The following C4orf54 variants were observed in gnomAD, a reference collection of about 807,000 sequenced individuals.
C4orf54 encodes the protein uncharacterized protein C4orf54.
Under a neutral mutation model 80.1 loss-of-function variants are expected in C4orf54, and 67 were observed. That is an observed-to-expected ratio of 0.84 (90% CI 0.69 to 1.03). The LOEUF (loss-of-function observed/expected upper bound fraction) is 1.03. Ranked by LOEUF, C4orf54 falls within the 50% of genes least tolerant of loss-of-function variation. The pLI is 0.00. For synonymous variants in C4orf54, 1,000 were observed against 917.0 expected (o/e 1.09, Z -1.64); for missense variants, 2,434 against 2,253.5 (o/e 1.08, Z -1.62).
chr4:99,652,248 C>T lies in C4orf54; in HGVS notation c.2401G>A (p.Asp801Asn), dbSNP rs1025174861. ...GCGAACTTGGACTTCTGGGGGCCAT[C>T]GGCGCGGGAGGTGGGCTTGCTGCCC... is the stretch of plus-strand genomic sequence containing the variant. ...SEGSKPTSRA[D>N]GPQKSKFASS... The change falls in exon 2 of 3, where the codon GAT becomes AAT. Residue 801 changes from aspartate to asparagine, a missense_variant. Coordinates refer to ENST00000511828, the MANE Select transcript of C4orf54 (RefSeq NM_001354435.2). 43 of 1,535,798 alleles carry T rather than the reference C, an allele frequency of 2.8e-5. No individual in the cohort carries two copies. Among genetic ancestry groups the T allele is most frequent in the Admixed American group, 3.9e-5 (2 of 50,982 alleles).
chr4:99,657,506 C>G lies in C4orf54; in HGVS notation c.-43G>C, dbSNP rs871321. On this transcript the variant is annotated 5_prime_UTR_variant, in exon 1 of 3. Transcript: ENST00000511828. ...ACAGTAGTACTTACCTCCAAAGTAT[C>G]TGTGTGGCTCCTTTACTGCTTTCTA... Among the ~76,000 whole-genome samples, 31,295 of 152,198 alleles carry G rather than the reference C, an allele frequency of 0.21. 3,669 individuals are homozygous for G. The highest frequency in any genetic ancestry group is 0.43 in the East Asian group (2,215 of 5,180).
At chr4:99,656,424 A>G (rs1726978748) in intron 1 of C4orf54, among the ~76,000 whole-genome samples, 1 of 151,868 alleles carries the variant, frequency 6.6e-6, no homozygotes, top group Admixed American at 6.6e-5. Flanking sequence ...GGACCACAGG[A>G]GCACCCCACC....
Position 99,651,077 on chromosome 4 carries a change from G to A in C4orf54, c.3572C>T (p.Thr1191Ile). ...RVLNSSSPEG[T>I]VLVHRASGRL... The stretch of plus-strand genomic sequence containing the variant: ...GCCAGATGCCCTGTGAACCAAGACT[G>A]TCCCTTCTGGGGAGGAAGAATTCAA... Residue 1191 changes from threonine to isoleucine, a missense_variant, in exon 2 of 3, where the codon ACA (threonine) becomes ATA (isoleucine). Thr to Ile is a moderately conservative substitution (Grantham distance 89). Coordinates refer to ENST00000511828, the MANE Select transcript of C4orf54 (RefSeq NM_001354435.2). 2 of 1,536,146 alleles carry A rather than the reference G, an allele frequency of 1.3e-6. No homozygotes were observed. The highest frequency in any genetic ancestry group is 1.4e-5 in the African/African-American group (1 of 73,168).
Position 99,650,111 on chromosome 4 carries a change from C to A in C4orf54, c.4538G>T (p.Ser1513Ile). ...LCSLPPLSAR[S>I]QVPSSSKGSQ... is the part of the protein sequence containing the mutation. ...GCCTTTGGAGCTACTGGGGACCTGA[C>A]TGCGGGCACTCAGCGGGGGTAAACT... The change falls in exon 2 of 3, where the codon AGT becomes ATT. Residue 1513 changes from serine to isoleucine, a missense_variant. Ser to Ile is a moderately radical substitution (Grantham distance 142). Transcript: ENST00000511828. 6.5e-7 allele frequency: 1 copy of A among 1,535,894 alleles called. No homozygotes were observed.
chr4:99,652,939 G>A lies in C4orf54; in HGVS notation c.1710C>T (p.Asn570=), dbSNP rs1383363680. ...GGTCCTGAGCCACTGCTGCAGCCGG[G>A]TTTTGCTTCAGCGAACTTGAATTGT... ...AEHNSSSLKQ[N]PAAAVAQDHA... The change falls in exon 2 of 3, where the codon AAC becomes AAT. Residue 570 remains asparagine (N), a synonymous_variant. Transcript: ENST00000511828. 4 of 1,536,080 alleles carry A rather than the reference G, an allele frequency of 2.6e-6. No individual in the cohort carries two copies. The Admixed American group carries it at 7.8e-5, about 30-fold the overall frequency.
rs765510344 is a variant in C4orf54 at position 99,653,030 on chromosome 4, T to G, written c.1619A>C (p.Gln540Pro). ...ATGCTTGGCAGCATAAATAATGTTTTGCTTTGCACGCACGTTGCTAGGCTC... is the reference window on the plus strand; with the variant it reads ...ATGCTTGGCAGCATAAATAATGTTTGGCTTTGCACGCACGTTGCTAGGCTC... ...INEPSNVRAK[Q>P]NIIYAAKHEG... The change falls in exon 2 of 3, where the codon CAA (glutamine) becomes CCA (proline). Residue 540 changes from glutamine (Q) to proline (P), a missense_variant. Transcript: ENST00000511828. 9.8e-6 allele frequency: 15 copies of G among 1,536,066 alleles called. No individual in the cohort carries two copies. The highest frequency in any genetic ancestry group is 1.1e-5 in the Non-Finnish European group (13 of 1,146,908).
In C4orf54 at chr4:99,652,086, C is replaced by G; in HGVS notation, c.2563G>C (p.Glu855Gln). The change falls in exon 2 of 3, where the codon GAG becomes CAG. Residue 855 changes from glutamate to glutamine, a missense_variant. By Grantham distance (29) the Glu-to-Gln change is conservative. Coordinates refer to ENST00000511828, the MANE Select transcript of C4orf54 (RefSeq NM_001354435.2). ...SKETEGARGS[E>Q]RQRERGLQRQ... ...TGCAGGCCCCTCTCTCGCTGCCTCT[C>G]GCTCCCGCGGGCGCCCTCCGTCTCC... 1 of 1,536,094 alleles carries G rather than the reference C, an allele frequency of 6.5e-7. No individual in the cohort carries two copies. Among genetic ancestry groups the G allele is most frequent in the African/African-American group, 1.4e-5 (1 of 73,168 alleles).
Position 99,652,649 on chromosome 4 carries a change from A to G in C4orf54, c.2000T>C (p.Leu667Ser). Reference protein sequence around the residue: ...GFGRWSTFLDLKCGGVGARVE... With the variant: ...GFGRWSTFLDSKCGGVGARVE... ...CCTGGCCCCAACACCCCCACATTTT[A>G]AGTCCAGGAAAGTTGACCAGCGCCC... The change falls in exon 2 of 3, where the codon TTA becomes TCA. Residue 667 changes from leucine (L) to serine (S), a missense_variant. Coordinates refer to ENST00000511828, the MANE Select transcript of C4orf54 (RefSeq NM_001354435.2). The G allele has an allele frequency of 2.7e-5, 41 of 1,535,840 alleles. No individual in the cohort carries two copies. The highest frequency in any genetic ancestry group is 3.6e-5 in the Non-Finnish European group (41 of 1,146,818).
Position 99,653,132 on chromosome 4 carries a change from G to A in C4orf54, c.1517C>T (p.Ala506Val), listed in dbSNP as rs1046134895. ...ACTCCCACAGCTGCTTGCGGCGGCG[G>A]CTGCTGCCCCTGAAGCTGCCTCCGG... is the stretch of plus-strand genomic sequence containing the variant. ...ETPEAASGAAAAAASSCGSAA... is the reference protein window; with the variant it reads ...ETPEAASGAAVAAASSCGSAA... Residue 506 changes from alanine (A) to valine (V), a missense_variant, in exon 2 of 3, where the codon GCC becomes GTC. By Grantham distance (64) the Ala-to-Val change is moderately conservative. Coordinates refer to ENST00000511828, the MANE Select transcript of C4orf54 (RefSeq NM_001354435.2). The A allele has an allele frequency of 5.9e-6, 9 of 1,536,066 alleles. No homozygotes were observed. Among genetic ancestry groups the A allele is most frequent in the Non-Finnish European group, 7.8e-6 (9 of 1,146,912 alleles).
Position 99,637,755 on chromosome 4 carries a change from A to G in C4orf54, c.*3478T>C, listed in dbSNP as rs1005336762. Reference sequence around the variant, plus strand: ...TTCAAGTATTTGGGTGAAATAGCATACCCTGAGAATTTGGGGTGCAAACCT... The same window carrying G: ...TTCAAGTATTTGGGTGAAATAGCATGCCCTGAGAATTTGGGGTGCAAACCT... On this transcript the variant is annotated 3_prime_UTR_variant, in exon 3 of 3. Transcript: ENST00000511828. 4 of 152,152 alleles carry G rather than the reference A, an allele frequency of 2.6e-5. No homozygotes were observed. The highest frequency in any genetic ancestry group is 9.6e-5 in the African/African-American group (4 of 41,452). The allele number at this position is 152,152 out of a possible 1,614,324, so 9.4% of individuals were successfully genotyped here.
At chr4:99,642,346 G>A (rs1276711496) in intron 2 of C4orf54, among the ~76,000 whole-genome samples, 6 of 152,306 alleles carry the variant, frequency 3.9e-5, no homozygotes, top group South Asian at 2.1e-4. Flanking sequence ...CTATCACTAG[G>A]CAAGATTTGC....
intron 1 of C4orf54, among the ~76,000 whole-genome samples, chr4:99,655,419 A>G (rs1458772983): frequency 6.6e-6 from 1 of 152,222 alleles, no homozygotes; most frequent in Non-Finnish European, 1.5e-5. Context: ...CTCCAATTAA[A>G]TATAGCCTGA....
At chr4:99,645,261 C>T (rs1726680859) in intron 2 of C4orf54, among the ~76,000 whole-genome samples, 4 of 151,908 alleles carry the variant, frequency 2.6e-5, no homozygotes, top group Non-Finnish European at 2.9e-5. Context: ...TCCCTGAATC[C>T]AGCCCTTGCT....
chr4:99,656,122 T>C (rs185027996), intron 1 of C4orf54, among the ~76,000 whole-genome samples: 54 of 151,252 alleles, frequency 3.6e-4, no homozygotes, highest in Non-Finnish European at 7.1e-4. Context: ...AATCAGAATA[T>C]AGACATAAAG....
chr4:99,644,288 CT>C (rs1726661347), intron 2 of C4orf54, among the ~76,000 whole-genome samples: 1 of 151,924 alleles, frequency 6.6e-6, no homozygotes, highest in African/African-American at 2.4e-5. Flanking sequence ...CTAGCTTTTA[CT>C]TTTAATTTCT....
In C4orf54 at chr4:99,654,094, T is replaced by C. The variant is rs770840667; in HGVS notation, c.555A>G (p.Ser185=). The C allele has an allele frequency of 3.3e-6, 5 of 1,536,138 alleles. No homozygotes were observed. Among genetic ancestry groups the C allele is most frequent in the South Asian group, 2.4e-5 (2 of 84,066 alleles). ...KQQLWPLPKP[S]ASSQREAKYV... is the part of the protein sequence containing the mutation. ...ATTTCGCTTCTCGCTGGGAGGAGGC[T>C]GAAGGCTTGGGAAGTGGCCACAGCT... The change falls in exon 2 of 3, where the codon TCA becomes TCG. Residue 185 remains serine (S), a synonymous_variant. Coordinates refer to ENST00000511828, the MANE Select transcript of C4orf54 (RefSeq NM_001354435.2).
Position 99,653,969 on chromosome 4 carries a change from C to T in C4orf54, c.680G>A (p.Ser227Asn), listed in dbSNP as rs1372729777. 3.9e-6 allele frequency: 6 copies of T among 1,536,182 alleles called. No homozygotes were observed. Among genetic ancestry groups the T allele is most frequent in the Non-Finnish European group, 5.2e-6 (6 of 1,146,896 alleles). ...TTCATCTTGGGCTTTCTCCTTTGGG[C>T]TCCTAGAGGCCCTCTGACCCCCAGG... Reference protein sequence around the residue: ...HCPGGQRASRSPKEKAQDEPS... With the variant: ...HCPGGQRASRNPKEKAQDEPS... The change falls in exon 2 of 3, where the codon AGC becomes AAC. Residue 227 changes from serine to asparagine, a missense_variant. Coordinates refer to ENST00000511828, the MANE Select transcript of C4orf54 (RefSeq NM_001354435.2).
rs1025935955 is a variant in C4orf54, at chr4:99,652,797, C to G, written c.1852G>C (p.Asp618His). 9.1e-6 allele frequency: 14 copies of G among 1,536,000 alleles called. No homozygotes were observed. The highest frequency in any genetic ancestry group is 1.1e-5 in the Non-Finnish European group (13 of 1,146,912). Residue 618 changes from aspartate to histidine, a missense_variant, in exon 2 of 3, where the codon GAT (aspartate) becomes CAT (histidine). Transcript: ENST00000511828. ...AGGTTACGCACCTCTTTGTCCGCAT[C>G]GTCCAGTTCGCTCACGGCACTGGAG... The part of the protein sequence containing the change: ...GASSAVSELD[D>H]ADKEVRNLTS...
At position 99,650,387 on chromosome 4, in the gene C4orf54, G is replaced by C. The variant is rs549982534; in HGVS notation, c.4262C>G (p.Pro1421Arg). 19 of 1,535,946 alleles carry C rather than the reference G, an allele frequency of 1.2e-5. 1 individual carries two copies. Among genetic ancestry groups the C allele is most frequent in the South Asian group, 7.1e-5 (6 of 84,064 alleles). Residue 1421 changes from proline to arginine, a missense_variant, in exon 2 of 3, where the codon CCG (proline) becomes CGG (arginine). Physicochemically the swap from Pro to Arg is moderately radical, Grantham distance 103 (BLOSUM62 -2). Transcript: ENST00000511828. ...GCCCTTAGCTGCTGAAGGACTCTCC[G>C]GAGAAGGCCCTTGTGGGAACTTGCC... The part of the protein sequence containing the change: ...VAGKFPQGPS[P>R]ESPSAAKGIK...
Sources: gnomAD v4.1 joint callset for allele counts (sites outside exome capture counted in the v4.1 genomes callset) on GRCh38, gnomAD v4.1.1 for gene constraint, MANE v1.5 for transcripts, NCBI Gene and HGNC (gene_info 2026-07-23, HGNC 2026-07-21) for gene names.